PCDH15: variants seen among roughly 807,000 people sequenced by gnomAD.
The protein encoded by PCDH15 is protocadherin related 15.
In PCDH15, 129 loss-of-function variants were observed where a neutral mutation model predicts 178.5. The ratio of observed to expected loss-of-function variants is 0.72; its 90% confidence interval spans 0.63 to 0.84. PCDH15 has a LOEUF of 0.84. PCDH15 is among the 40% of genes least tolerant of loss of function. The pLI is 0.00. For missense variants in PCDH15, 2,230 were observed against 2,099.9 expected (o/e 1.06, Z -1.21); for synonymous variants, 800 against 732.0 (o/e 1.09, Z -1.50).
In PCDH15 at chr10:53,806,269, T is replaced by C. The variant is rs1219575763; in HGVS notation, c.*310A>G. The C allele has an allele frequency of 8.3e-6, 2 of 241,084 alleles. No individual in the cohort carries two copies. Among genetic ancestry groups the C allele is most frequent in the Non-Finnish European group, 1.6e-5 (2 of 124,388 alleles). 14.9% of individuals were successfully genotyped at this position (241,084 alleles called of 1,614,324 possible). ...ATAATCTATGTTAATCAATAAAATATAAATGATTATTTAGTAATTATTTCT... is the reference window on the plus strand; with the variant it reads ...ATAATCTATGTTAATCAATAAAATACAAATGATTATTTAGTAATTATTTCT... On this transcript the variant is annotated 3_prime_UTR_variant, in exon 38 of 38. Coordinates refer to ENST00000644397, the MANE Select transcript of PCDH15 (RefSeq NM_001384140.1).
chr10:55,220,764 G>C (rs766752490), intron 1 of PCDH15, among the ~76,000 whole-genome samples: 4 of 151,862 alleles, frequency 2.6e-5, no homozygotes, highest in Non-Finnish European at 4.4e-5. Flanking sequence ...CACATAAATG[G>C]ATATTTTTTC....
chr10:54,090,498 C>T (rs961440912), intron 15 of PCDH15, among the ~76,000 whole-genome samples: 3 of 151,808 alleles, frequency 2.0e-5, no homozygotes, highest in Non-Finnish European at 2.9e-5. Context: ...CAAGAAGTTA[C>T]CCGGGTGCAG....
intron 2 of PCDH15, among the ~76,000 whole-genome samples, chr10:55,099,745 A>C (rs35681947): frequency 6.6e-6 from 1 of 152,056 alleles, no homozygotes; most frequent in Non-Finnish European, 1.5e-5. Context: ...AAGTGAAGTA[A>C]CAAGCAAGAG....
chr10:53,910,575 T>C (rs2083011595), intron 25 of PCDH15, among the ~76,000 whole-genome samples: 1 of 152,104 alleles, frequency 6.6e-6, no homozygotes, highest in South Asian at 2.1e-4. Context: ...GCAGAAAAGC[T>C]GAAAATTCTA....
At position 55,385,460 on chromosome 10, in the gene PCDH15, A is replaced by C. The variant is rs144185673; in HGVS notation, c.-155-218809T>G. ...TATATGAGGGACTCCAAATGACAAC[A>C]ATTTAGTTTGGCCCATCAATACCCA... On this transcript the variant is annotated intron_variant, in intron 2 of 5. Transcript: ENST00000613346. Among the ~76,000 whole-genome samples the C allele has an allele frequency of 3.7e-3, 564 of 152,116 alleles. 4 individuals carry two copies. Among genetic ancestry groups the C allele is most frequent in the African/African-American group, 0.011 (469 of 41,518 alleles).
chr10:54,419,529 T>A lies in PCDH15; in HGVS notation c.158-40587A>T, dbSNP rs73238744. On this transcript the variant is annotated intron_variant, in intron 3 of 37. Transcript: ENST00000644397. ...ACTCTGATTGATTTGCTCAACTCAA[T>A]CTTGTGTGTTCAAGAACTTAATGTG... Among the ~76,000 whole-genome samples, 1,016 of 152,258 alleles carry A rather than the reference T, an allele frequency of 6.7e-3. 14 individuals are homozygous for A. Among genetic ancestry groups the A allele is most frequent in the African/African-American group, 0.023 (958 of 41,564 alleles).
At chr10:54,947,157 G>A (rs953424453) in intron 2 of PCDH15, among the ~76,000 whole-genome samples, 4 of 151,794 alleles carry the variant, frequency 2.6e-5, no homozygotes, top group African/African-American at 9.7e-5. Context: ...ATAGTAAGAC[G>A]TAATAAGACA....
intron 2 of PCDH15, among the ~76,000 whole-genome samples, chr10:55,337,606 A>C (rs1256240767): frequency 1.3e-5 from 2 of 152,266 alleles, no homozygotes; most frequent in East Asian, 2.0e-4. Flanking sequence ...GATTCGGCAA[A>C]GTGTACTTTG....
At chr10:55,320,400 T>C (rs1380052986), upstream of PCDH15, among the ~76,000 whole-genome samples, 2 of 144,462 alleles carry the variant, frequency 1.4e-5, no homozygotes, top group Non-Finnish European at 3.0e-5. Flanking sequence ...AACACCTGCA[T>C]AGAGGCCAGT....
At chr10:55,076,762 AC>A (rs1841898704) in intron 2 of PCDH15, among the ~76,000 whole-genome samples, 1 of 127,102 alleles carries the variant, frequency 7.9e-6, no homozygotes, top group Non-Finnish European at 1.6e-5. Flanking sequence ...GTGGCCTGTG[AC>A]CTTTTTTTTT....
At chr10:54,984,051 T>C (rs1310826382) in intron 2 of PCDH15, among the ~76,000 whole-genome samples, 2 of 152,134 alleles carry the variant, frequency 1.3e-5, no homozygotes, top group Non-Finnish European at 2.9e-5. Context: ...GAATTAAAAG[T>C]AAAGGCTTTA....
chr10:54,107,428 G>C (rs1400243898), intron 15 of PCDH15, among the ~76,000 whole-genome samples: 5 of 152,202 alleles, frequency 3.3e-5, no homozygotes, highest in Non-Finnish European at 7.3e-5. Context: ...CTGGTAGAGA[G>C]AATCAGAACC....
intron 8 of PCDH15, among the ~76,000 whole-genome samples, chr10:54,272,395 C>T (rs1406796586): frequency 2.0e-5 from 3 of 151,896 alleles, no homozygotes; most frequent in African/African-American, 7.3e-5. Context: ...TTATATGCAG[C>T]TATTTGTAGT....
chr10:55,611,667 G>A (rs935468897), intron 2 of PCDH15, among the ~76,000 whole-genome samples: 3 of 152,010 alleles, frequency 2.0e-5, no homozygotes, highest in Non-Finnish European at 2.9e-5. Flanking sequence ...ATACTCAAAT[G>A]AGTTAAAATC....
chr10:54,570,825 T>TC (rs1565626771), intron 2 of PCDH15, among the ~76,000 whole-genome samples: 22 of 144,922 alleles, frequency 1.5e-4, no homozygotes, highest in African/African-American at 4.8e-4. Context: ...CTATTTTTTT[T>TC]TTTCTTTTTT....
At chr10:55,276,220 A>G (rs1361294368) in intron 1 of PCDH15, among the ~76,000 whole-genome samples, 1 of 150,904 alleles carries the variant, frequency 6.6e-6, no homozygotes, top group Non-Finnish European at 1.5e-5. Flanking sequence ...TATTCCTTAC[A>G]AACTCTTAAG....
In PCDH15 at chr10:54,092,192, A is replaced by G. The variant is rs540796952; in HGVS notation, c.1918-2129T>C. ...CTACACTTTGAGGGCTCACTCTTAC[A>G]TTCCAATGCAACCCATCAGCAGATC... On this transcript the variant is annotated intron_variant, in intron 15 of 37. Coordinates refer to ENST00000644397, the MANE Select transcript of PCDH15 (RefSeq NM_001384140.1). Among the ~76,000 whole-genome samples the G allele has an allele frequency of 2.0e-5, 3 of 152,244 alleles. No individual in the cohort carries two copies. In the South Asian group the frequency reaches 6.2e-4, roughly 32 times the overall value.
At chr10:53,925,209 C>T (rs966510378) in intron 25 of PCDH15, among the ~76,000 whole-genome samples, 12 of 152,118 alleles carry the variant, frequency 7.9e-5, no homozygotes, top group Non-Finnish European at 1.5e-5. Flanking sequence ...TGAACTGTAA[C>T]ACTCACCGCG....
chr10:54,019,772 G>A (rs2092855806), intron 20 of PCDH15, among the ~76,000 whole-genome samples: 1 of 151,938 alleles, frequency 6.6e-6, no homozygotes, highest in Admixed American at 6.6e-5. Flanking sequence ...CATTCCAGAG[G>A]TTTGGGCCCT....
Sources: allele counts gnomAD v4.1 joint callset (sites outside exome capture counted in the v4.1 genomes callset), GRCh38; gene constraint gnomAD v4.1.1; transcripts MANE v1.5; gene names NCBI Gene and HGNC (gene_info 2026-07-23, HGNC 2026-07-21).